The following ST8SIA6 variants were observed in gnomAD, a reference collection of about 807,000 sequenced individuals.
ST8SIA6 encodes the protein alpha-2,8-sialyltransferase 8F.
Under a neutral mutation model 33.6 loss-of-function variants are expected in ST8SIA6, and 39 were observed. The ratio of observed to expected loss-of-function variants is 1.16; its 90% confidence interval spans 0.90 to 1.52. ST8SIA6 has a LOEUF of 1.52. Among genes scored for constraint, ST8SIA6 ranks in the 40% most tolerant of loss-of-function variants. ST8SIA6 has a pLI of 0.00. For missense variants in ST8SIA6, 441 were observed against 443.8 expected, an observed-to-expected ratio of 0.99 and a Z score of 0.06; for synonymous variants, 172 against 167.2, an observed-to-expected ratio of 1.03 and a Z score of -0.22.
chr10:17,432,075 T>C (rs1215206752), intron 2 of ST8SIA6, among the ~76,000 whole-genome samples: 1 of 152,146 alleles, frequency 6.6e-6, no homozygotes. Context: ...GAAAGACCCT[T>C]AGTCCAGGAA....
intron 2 of ST8SIA6, among the ~76,000 whole-genome samples, chr10:17,423,696 C>T (rs1851849278): frequency 6.6e-6 from 1 of 151,980 alleles, no homozygotes; most frequent in Non-Finnish European, 1.5e-5. Context: ...AAGGGGCATG[C>T]CCCTCCCACC....
At chr10:17,404,662 T>G (rs960527095) in intron 2 of ST8SIA6, among the ~76,000 whole-genome samples, 3 of 152,140 alleles carry the variant, frequency 2.0e-5, no homozygotes, top group African/African-American at 7.2e-5. Context: ...GAATTGCACC[T>G]TACCTCTGAT....
chr10:17,367,973 ATATC>A (rs1849606748), intron 3 of ST8SIA6, among the ~76,000 whole-genome samples: 1 of 152,192 alleles, frequency 6.6e-6, no homozygotes, highest in South Asian at 2.1e-4. Context: ...CACCACCCCT[ATATC>A]TATTACGTAT....
At chr10:17,323,227 G>GCC in intron 6 of ST8SIA6, 70 bp from the exon 7 acceptor site, 2 of 806,862 alleles carry the variant, frequency 2.5e-6, no homozygotes, top group Non-Finnish European at 3.9e-6. Flanking sequence ...ACACATATGC[G>GCC]CGCACACACA....
At chr10:17,330,660 T>G (rs1848270847) in intron 5 of ST8SIA6, among the ~76,000 whole-genome samples, 1 of 152,190 alleles carries the variant, frequency 6.6e-6, no homozygotes, top group Non-Finnish European at 1.5e-5. Context: ...ACTGCACATA[T>G]AGAGGGATCC....
chr10:17,372,836 T>G (rs1849779144), intron 3 of ST8SIA6, among the ~76,000 whole-genome samples: 1 of 152,224 alleles, frequency 6.6e-6, no homozygotes, highest in African/African-American at 2.4e-5. Context: ...ACACATTATT[T>G]CTGCAATATT....
At chr10:17,371,191 A>G (rs1402424069) in intron 3 of ST8SIA6, among the ~76,000 whole-genome samples, 1 of 152,208 alleles carries the variant, frequency 6.6e-6, no homozygotes, top group Non-Finnish European at 1.5e-5. Context: ...TAACTGATAC[A>G]GGGAAGAGTG....
At chr10:17,389,042 G>A (rs1199709158) in intron 3 of ST8SIA6, among the ~76,000 whole-genome samples, 1 of 152,056 alleles carries the variant, frequency 6.6e-6, no homozygotes, top group Non-Finnish European at 1.5e-5. Flanking sequence ...ACACCCCCCA[G>A]ACTCATAATC....
In ST8SIA6 at chr10:17,454,595, T is replaced by C. The variant is rs1853054575; in HGVS notation, c.-340A>G. 1.3e-5 allele frequency among the ~76,000 whole-genome samples: 2 copies of C among 151,650 alleles called. No homozygotes were observed. The highest frequency in any genetic ancestry group is 1.3e-4 in the Admixed American group (2 of 15,244). Reference sequence around the variant, plus strand: ...CTCCGGTCGCCGCTGCCACTGCTGCTGCCGCCGCCGCCGCGCGGGGTCACC... The same window carrying C: ...CTCCGGTCGCCGCTGCCACTGCTGCCGCCGCCGCCGCCGCGCGGGGTCACC... On this transcript the variant is annotated 5_prime_UTR_variant, in exon 1 of 8. Coordinates refer to ENST00000377602, the MANE Select transcript of ST8SIA6 (RefSeq NM_001004470.3). The surrounding 1 kb of genome is among the most constrained non-coding windows in gnomAD (Gnocchi z 4.1).
intron 2 of ST8SIA6, among the ~76,000 whole-genome samples, chr10:17,449,962 T>C (rs1404672800): frequency 1.3e-5 from 2 of 152,200 alleles, no homozygotes; most frequent in African/African-American, 4.8e-5. Context: ...CATCCTGAGA[T>C]AACTAAGAGT....
At chr10:17,324,969 A>G (rs1588778403) in intron 6 of ST8SIA6, among the ~76,000 whole-genome samples, 1 of 145,036 alleles carries the variant, frequency 6.9e-6, no homozygotes, top group Non-Finnish European at 1.5e-5. Context: ...TGTGTATATA[A>G]TATGTAATAT....
chr10:17,394,061 T>A (rs530799675), intron 2 of ST8SIA6, among the ~76,000 whole-genome samples: 1 of 152,294 alleles, frequency 6.6e-6, no homozygotes, highest in South Asian at 2.1e-4. Context: ...TACGATGGCG[T>A]TGCAGTATTG....
chr10:17,322,238 AAG>A (rs1279244864), intron 7 of ST8SIA6, among the ~76,000 whole-genome samples: 2 of 76,594 alleles, frequency 2.6e-5, no homozygotes, highest in Non-Finnish European at 5.8e-5. Flanking sequence ...AAGAAAAAGA[AAG>A]AGAAAAAGAA....
chr10:17,353,010 C>T (rs561243874), intron 4 of ST8SIA6, among the ~76,000 whole-genome samples: 1 of 152,146 alleles, frequency 6.6e-6, no homozygotes, highest in African/African-American at 2.4e-5. Context: ...AATGTAGTCA[C>T]CCTGTATGAA....
chr10:17,338,982 A>G (rs1391233528), intron 4 of ST8SIA6, among the ~76,000 whole-genome samples: 1 of 152,224 alleles, frequency 6.6e-6, no homozygotes, highest in Non-Finnish European at 1.5e-5. Context: ...AATCTGACTT[A>G]GTGCTTTTCA....
At chr10:17,408,473 T>C (rs1402116470) in intron 2 of ST8SIA6, among the ~76,000 whole-genome samples, 1 of 152,020 alleles carries the variant, frequency 6.6e-6, no homozygotes, top group African/African-American at 2.4e-5. Context: ...AGGATCAGCC[T>C]GGCCAACATG....
At chr10:17,377,947 A>T (rs900170322) in intron 3 of ST8SIA6, among the ~76,000 whole-genome samples, 5 of 152,278 alleles carry the variant, frequency 3.3e-5, no homozygotes, top group African/African-American at 1.2e-4. Context: ...ACAACCGAAA[A>T]ATTAGTCTCC....
intron 2 of ST8SIA6, among the ~76,000 whole-genome samples, chr10:17,436,295 T>C (rs1398346637): frequency 6.6e-6 from 1 of 152,176 alleles, no homozygotes; most frequent in African/African-American, 2.4e-5. Flanking sequence ...GGGGAGGTAA[T>C]TGAATCATGG....
chr10:17,342,974 G>T (rs1300192010), intron 4 of ST8SIA6, among the ~76,000 whole-genome samples: 2 of 152,094 alleles, frequency 1.3e-5, no homozygotes, highest in Non-Finnish European at 2.9e-5. Flanking sequence ...GACAAAGGCA[G>T]CAGGGCGTTA....
Sources: gnomAD v4.1 joint callset for allele counts (sites outside exome capture counted in the v4.1 genomes callset) on GRCh38, gnomAD v4.1.1 for gene constraint, Gnocchi (gnomAD v3.1) non-coding constraint, MANE v1.5 for transcripts, NCBI Gene and HGNC (gene_info 2026-07-23, HGNC 2026-07-21) for gene names.